Variants in KDM4C observed in about 807,000 individuals in gnomAD.
The protein encoded by KDM4C is lysine demethylase 4C, also known as lysine-specific demethylase 4C.
KDM4C carries 81 observed loss-of-function variants against 129.3 expected under a neutral mutation model. That is an observed-to-expected ratio of 0.63 (90% CI 0.52 to 0.75). The LOEUF is 0.75. Among genes scored for constraint, KDM4C ranks in the 30% least tolerant of loss-of-function variants. The probability of loss-of-function intolerance (pLI) is 0.00; values close to 1 mark genes in which losing one functional copy is unlikely to be tolerated. For synonymous variants in KDM4C, 573 were observed against 456.1 expected, an observed-to-expected ratio of 1.26 and a Z score of -3.26; for missense variants, 1,457 against 1,304.0, an observed-to-expected ratio of 1.12 and a Z score of -1.81.
chr9:6,965,625 C>G (rs1429736276), intron 8 of KDM4C, among the ~76,000 whole-genome samples: 1 of 152,128 alleles, frequency 6.6e-6, no homozygotes, highest in Non-Finnish European at 1.5e-5. Flanking sequence ...TTCTTGAGAC[C>G]CAAGCAAAAC....
At chr9:7,040,310 CCTCT>C (rs1210169724) in intron 15 of KDM4C, among the ~76,000 whole-genome samples, 8 of 150,728 alleles carry the variant, frequency 5.3e-5, no homozygotes, top group South Asian at 2.1e-4. Flanking sequence ...TCCCTCCCTC[CCTCT>C]GTCTCTCTTT....
chr9:7,052,598 A>G (rs955318981), intron 17 of KDM4C, among the ~76,000 whole-genome samples: 3 of 152,204 alleles, frequency 2.0e-5, no homozygotes, highest in African/African-American at 7.2e-5. Flanking sequence ...GAGACATATG[A>G]TTAAATTGTA....
chr9:6,794,165 C>G (rs746271189), intron 2 of KDM4C, among the ~76,000 whole-genome samples: 2 of 152,208 alleles, frequency 1.3e-5, no homozygotes, highest in Non-Finnish European at 2.9e-5. Flanking sequence ...GTGCCAGACA[C>G]TATGCCAGGT....
chr9:7,102,580 C>G (rs887457179), intron 17 of KDM4C, among the ~76,000 whole-genome samples: 6 of 152,076 alleles, frequency 3.9e-5, no homozygotes, highest in Non-Finnish European at 5.9e-5. Flanking sequence ...GACTGAGGGA[C>G]AGAATCTAAA....
intron 2 of KDM4C, among the ~76,000 whole-genome samples, chr9:6,797,416 T>C (rs1373884185): frequency 2.6e-5 from 4 of 152,232 alleles, no homozygotes; most frequent in Non-Finnish European, 4.4e-5. Flanking sequence ...CTCTTTCCCA[T>C]TTTTTAGATT....
At chr9:7,141,129 G>A (rs570510490) in intron 19 of KDM4C, among the ~76,000 whole-genome samples, 1 of 152,172 alleles carries the variant, frequency 6.6e-6, no homozygotes, top group Admixed American at 6.5e-5. Flanking sequence ...AAAGAGATTT[G>A]TTATGAAGTA....
intron 17 of KDM4C, among the ~76,000 whole-genome samples, chr9:7,056,704 T>G (rs1830919143): frequency 6.6e-6 from 1 of 152,212 alleles, no homozygotes; most frequent in South Asian, 2.1e-4. Context: ...TTAAAAACAT[T>G]ATTAGACAGG....
chr9:6,936,349 A>G (rs964741340), intron 8 of KDM4C, among the ~76,000 whole-genome samples: 1 of 152,238 alleles, frequency 6.6e-6, no homozygotes, highest in Non-Finnish European at 1.5e-5. Context: ...ATTTGTGGGC[A>G]TGGGTATACA....
chr9:6,933,781 G>T (rs1255445054), intron 8 of KDM4C, among the ~76,000 whole-genome samples: 1 of 152,112 alleles, frequency 6.6e-6, no homozygotes, highest in Non-Finnish European at 1.5e-5. Context: ...TTTTGGTATG[G>T]CTGTTTTTAG....
chr9:6,986,660 C>T lies in KDM4C; in HGVS notation c.1671C>T (p.Val557=). 2 of 1,601,390 alleles carry T rather than the reference C, an allele frequency of 1.2e-6. No homozygotes were observed. The highest frequency in any genetic ancestry group is 1.1e-5 in the South Asian group (1 of 90,118). The part of the protein sequence containing the change: ...VPSGERNSFK[V]PSIAEGENKT... ...GTGGAGAGAGAAATAGCTTCAAAGT[C>T]CCCAGTGTATGTGGCAATATCCATT... Residue 557 remains valine (V), a synonymous_variant, in exon 11 of 22, where the codon GTC becomes GTT. Transcript: ENST00000381309.
intron 8 of KDM4C, among the ~76,000 whole-genome samples, chr9:6,964,686 G>GC (rs1208569266): frequency 6.6e-6 from 1 of 151,520 alleles, no homozygotes; most frequent in Non-Finnish European, 1.5e-5. Context: ...TGAGGCTGAG[G>GC]CAGGAGAATG....
chr9:7,010,279 A>G (rs1822454686), intron 12 of KDM4C, among the ~76,000 whole-genome samples: 1 of 152,226 alleles, frequency 6.6e-6, no homozygotes, highest in Admixed American at 6.5e-5. Flanking sequence ...CCCATGGGTG[A>G]ATACCAAGTG....
intron 18 of KDM4C, among the ~76,000 whole-genome samples, chr9:7,107,479 A>G (rs574458860): frequency 1.3e-5 from 2 of 152,348 alleles, no homozygotes; most frequent in African/African-American, 2.4e-5. Flanking sequence ...ATGGCATGCA[A>G]TGTTTTTTCC....
intron 1 of KDM4C, among the ~76,000 whole-genome samples, chr9:6,738,466 C>G (rs1050096979): frequency 5.9e-5 from 9 of 152,282 alleles, no homozygotes; most frequent in African/African-American, 2.2e-4. Context: ...CAGGTCCTCA[C>G]TCTGTCCCCC....
intron 1 of KDM4C, among the ~76,000 whole-genome samples, chr9:6,785,290 C>A (rs1482926945): frequency 6.6e-6 from 1 of 151,344 alleles, no homozygotes; most frequent in Non-Finnish European, 1.5e-5. Flanking sequence ...TAGTCCCTGC[C>A]TCCATCTTCA....
At chr9:7,031,188 A>T (rs1826685741) in intron 15 of KDM4C, among the ~76,000 whole-genome samples, 1 of 148,570 alleles carries the variant, frequency 6.7e-6, no homozygotes, top group African/African-American at 2.5e-5. Context: ...TTTGAGATGG[A>T]GTCTGGCTCT....
At chr9:7,102,491 ATCC>A (rs1837213973) in intron 17 of KDM4C, among the ~76,000 whole-genome samples, 3 of 152,146 alleles carry the variant, frequency 2.0e-5, no homozygotes, top group Non-Finnish European at 4.4e-5. Context: ...CACATTGGGA[ATCC>A]ATTATGATGC....
At chr9:6,998,845 A>G (rs1459296612) in intron 12 of KDM4C, among the ~76,000 whole-genome samples, 1 of 152,160 alleles carries the variant, frequency 6.6e-6, no homozygotes, top group African/African-American at 2.4e-5. Context: ...ACAACAAAAA[A>G]TTGTTTATAA....
chr9:6,969,474 A>G (rs755848179), intron 8 of KDM4C, among the ~76,000 whole-genome samples: 1 of 152,140 alleles, frequency 6.6e-6, no homozygotes, highest in Non-Finnish European at 1.5e-5. Flanking sequence ...AATTGTTTTG[A>G]ACACATGTAA....
Sources: gnomAD v4.1 joint callset for allele counts (sites outside exome capture counted in the v4.1 genomes callset) on GRCh38, gnomAD v4.1.1 for gene constraint, MANE v1.5 for transcripts, NCBI Gene and HGNC (gene_info 2026-07-23, HGNC 2026-07-21) for gene names.